The following RASA2 variants were observed in gnomAD, a reference collection of about 807,000 sequenced individuals.
RASA2 encodes RAS p21 protein activator 2.
A neutral mutation model predicts 118.2 loss-of-function variants in RASA2; 155 were observed. That is an observed-to-expected ratio of 1.31 (90% confidence interval 1.15 to 1.50). The LOEUF is 1.50. Among genes scored for constraint, RASA2 ranks in the 40% most tolerant of loss-of-function variants. The probability of loss-of-function intolerance (pLI) is 0.00; values close to 1 mark genes in which losing one functional copy is unlikely to be tolerated. For missense variants in RASA2, 1,016 were observed against 1,009.6 expected (o/e 1.01, Z -0.09); for synonymous variants, 353 against 349.1 (o/e 1.01, Z -0.12).
intron 20 of RASA2, 35 bp from the exon 21 acceptor site, chr3:141,608,454 T>C (rs760483672): frequency 3.8e-6 from 6 of 1,599,148 alleles, no homozygotes; most frequent in East Asian, 2.2e-5. Flanking sequence ...TTTTGGACTC[T>C]TGTCACTAAC....
In RASA2 at chr3:141,581,119, T is replaced by A; in HGVS notation, c.1694T>A (p.Phe565Tyr). The change falls in exon 17 of 24, where the codon TTC becomes TAC. Residue 565 changes from phenylalanine to tyrosine, a missense_variant. This residue lies in a region of RASA2 where 896 missense variants were observed against 836.4 expected (regional missense o/e 1.07). Coordinates refer to ENST00000286364, the MANE Select transcript of RASA2 (RefSeq NM_006506.5). The part of the protein sequence containing the change: ...SKSKSSFKET[F>Y]MCEFFKMFQE... ...TCTTAGTCAAGTTTCAAAGAGACAT[T>A]CATGTGTGAATTTTTCAAAATGTTT... 6.5e-7 allele frequency: 1 copy of A among 1,539,578 alleles called. No homozygotes were observed. Among genetic ancestry groups the A allele is most frequent in the Admixed American group, 2.2e-5 (1 of 44,464 alleles).
intron 2 of RASA2, among the ~76,000 whole-genome samples, chr3:141,512,795 G>A (rs1351719587): frequency 6.6e-6 from 1 of 152,156 alleles, no homozygotes; most frequent in Non-Finnish European, 1.5e-5. Context: ...GGGCGTGGTG[G>A]CTCACGCTTG....
In RASA2 at chr3:141,570,469, G is replaced by A. The variant is rs191771598; in HGVS notation, c.864-443G>A. On this transcript the variant is annotated intron_variant, in intron 9 of 23. Transcript: ENST00000286364. ...TCCTGACCTCAAGTGATCTGCCTGC[G>A]TCAGCCTCCCAAAGTGCTGAGATTA... Among the ~76,000 whole-genome samples, 11 of 152,156 alleles carry A rather than the reference G, an allele frequency of 7.2e-5. No individual in the cohort carries two copies. The South Asian group carries it at 8.3e-4, about 11-fold the overall frequency.
intron 1 of RASA2, among the ~76,000 whole-genome samples, chr3:141,489,081 A>AC (rs1489704054): frequency 1.3e-5 from 2 of 152,182 alleles, no homozygotes; most frequent in Non-Finnish European, 2.9e-5. Context: ...GTTTAAAGCA[A>AC]CCCTGGCTTG....
chr3:141,608,633 A>C lies in RASA2; in HGVS notation c.2161A>C (p.Asn721His). The C allele has an allele frequency of 1.2e-6, 2 of 1,613,994 alleles. No homozygotes were observed. The highest frequency in any genetic ancestry group is 3.3e-4 in the Middle Eastern group (2 of 6,062). Reference sequence around the variant, plus strand: ...TTTTTATCATCCCTCTGTGTATCTGAACGGAAATTGGCTCTGCTGTCAGGA... The same window carrying C: ...TTTTTATCATCCCTCTGTGTATCTGCACGGAAATTGGCTCTGCTGTCAGGA... ...LSFYHPSVYL[N>H]GNWLCCQETG... Residue 721 changes from asparagine to histidine, a missense_variant, in exon 21 of 24, where the codon AAC becomes CAC. Around this residue, in one of 2 missense-constraint regions of RASA2, gnomAD observed 120 missense variants for 173.2 expected, o/e 0.69. Transcript: ENST00000286364.
At position 141,487,170 on chromosome 3, in the gene RASA2, G is replaced by C; in HGVS notation, c.87G>C (p.Gln29His). Residue 29 changes from glutamine to histidine, a missense_variant, in exon 1 of 24, where the codon CAG becomes CAC. Transcript: ENST00000286364. ...SATAEPEAGD[Q>H]DSREVRVLQS... ...CTGCAGAGCCCGAGGCCGGGGACCA[G>C]GACAGTCGCGAGGTTCGAGTGTTGC... is the stretch of plus-strand genomic sequence containing the variant. 6.8e-7 allele frequency: 1 copy of C among 1,468,208 alleles called. No homozygotes were observed. The highest frequency in any genetic ancestry group is 9.1e-7 in the Non-Finnish European group (1 of 1,101,148). 90.9% of individuals were successfully genotyped at this position (1,468,208 alleles called of 1,614,324 possible). A position where few individuals can be genotyped will look rare whatever the true frequency, so the allele number is the denominator to read the frequency against.
At chr3:141,530,287 C>A (rs112056505) in intron 4 of RASA2, among the ~76,000 whole-genome samples, 185 of 152,084 alleles carry the variant, frequency 1.2e-3, no homozygotes, top group African/African-American at 4.3e-3. Flanking sequence ...CTGTTGTTCA[C>A]CTCGCTTTTT....
chr3:141,543,454 A>G (rs1003368374), intron 5 of RASA2, among the ~76,000 whole-genome samples: 3 of 152,222 alleles, frequency 2.0e-5, no homozygotes, highest in Admixed American at 6.5e-5. Context: ...GTTAGAGGAA[A>G]AGGAAAGTGT....
At position 141,571,555 on chromosome 3, in the gene RASA2, G is replaced by C; in HGVS notation, c.1169+1G>C. ...CTGAATTAGACTTGAAGGATACACA[G>C]TAAGAGTTATATTTTATTAAATGTT... is the stretch of plus-strand genomic sequence containing the variant. On this transcript the variant is annotated splice_donor_variant, in intron 11 of 23. Transcript: ENST00000286364. LOFTEE classifies it high-confidence loss of function. 1 of 1,597,302 alleles carries C rather than the reference G, an allele frequency of 6.3e-7. No homozygotes were observed. The highest frequency in any genetic ancestry group is 8.5e-7 in the Non-Finnish European group (1 of 1,171,998).
At chr3:141,525,131 C>T (rs983893104) in intron 3 of RASA2, 4 of 152,286 alleles carry the variant, frequency 2.6e-5, no homozygotes, top group East Asian at 3.9e-4. Flanking sequence ...AAGGTGGTTT[C>T]TGTGCCCACA....
intron 1 of RASA2, among the ~76,000 whole-genome samples, chr3:141,495,504 T>C (rs2151069015): frequency 6.6e-6 from 1 of 152,258 alleles, no homozygotes; most frequent in East Asian, 1.9e-4. Context: ...ATTGGTAAAG[T>C]AAAAATTAAT....
At chr3:141,510,241 G>A (rs2151079114) in intron 1 of RASA2, among the ~76,000 whole-genome samples, 2 of 152,220 alleles carry the variant, frequency 1.3e-5, no homozygotes, top group Admixed American at 1.3e-4. Context: ...GAGTAAGAGA[G>A]GAATATTGGT....
chr3:141,530,308 G>T (rs779962245), intron 4 of RASA2, among the ~76,000 whole-genome samples: 5 of 152,036 alleles, frequency 3.3e-5, no homozygotes, highest in Non-Finnish European at 7.4e-5. Flanking sequence ...ATTTGAAAGA[G>T]TATCATTACT....
chr3:141,543,798 C>T (rs145429541), intron 5 of RASA2, among the ~76,000 whole-genome samples: 116 of 151,794 alleles, frequency 7.6e-4, no homozygotes, highest in African/African-American at 2.6e-3. Flanking sequence ...AGGTAACACA[C>T]CGTTTTTCTC....
At chr3:141,503,860 A>G (rs1407558154) in intron 1 of RASA2, among the ~76,000 whole-genome samples, 2 of 152,220 alleles carry the variant, frequency 1.3e-5, no homozygotes, top group Admixed American at 6.5e-5. Context: ...TATTAATACA[A>G]TAAAGATTCT....
rs1367885136 is a variant in RASA2, at chr3:141,516,270, TATTA to T, written c.252-53_252-50del. On this transcript the variant is annotated intron_variant, in intron 2 of 23. Transcript: ENST00000286364. ...TTTATACAATTATTATTGAAAGTGA[TATTA>T]ATTATTATTTATTTTATATTATTTG... 214 of 1,099,528 alleles carry T rather than the reference TATTA, an allele frequency of 1.9e-4. No individual in the cohort carries two copies. In the Admixed American group the frequency reaches 2.8e-3, roughly 14 times the overall value. 68.1% of individuals were successfully genotyped at this position (1,099,528 alleles called of 1,614,324 possible).
chr3:141,601,664 T>G (rs991964507), intron 19 of RASA2, among the ~76,000 whole-genome samples: 2 of 152,200 alleles, frequency 1.3e-5, no homozygotes, highest in Non-Finnish European at 2.9e-5. Flanking sequence ...ATAAAATGTA[T>G]TACTTGGTGG....
intron 17 of RASA2, among the ~76,000 whole-genome samples, chr3:141,584,890 A>G (rs768129217): frequency 6.6e-6 from 1 of 151,816 alleles, no homozygotes; most frequent in Non-Finnish European, 1.5e-5. Flanking sequence ...CTCCATATAT[A>G]TTTTTTTTAA....
chr3:141,602,760 A>G (rs1388801284), intron 19 of RASA2, among the ~76,000 whole-genome samples: 2 of 152,320 alleles, frequency 1.3e-5, no homozygotes, highest in African/African-American at 4.8e-5. Context: ...CAAATACCTC[A>G]AAGGCTTCCA....
Sources: gnomAD v4.1 joint callset for allele counts (sites outside exome capture counted in the v4.1 genomes callset) on GRCh38, gnomAD v4.1.1 for gene constraint, gnomAD v4.1.1 regional missense constraint, MANE v1.5 for transcripts, NCBI Gene and HGNC (gene_info 2026-07-23, HGNC 2026-07-21) for gene names.